RAD51B: variants seen among roughly 807,000 people sequenced by gnomAD.
RAD51B encodes RAD51 paralog B.
In RAD51B, 38 loss-of-function variants were observed where a neutral mutation model predicts 42.2. That is an observed-to-expected ratio of 0.90 (90% CI 0.70 to 1.18). The LOEUF (loss-of-function observed/expected upper bound fraction) is 1.18, where lower values mean the gene tolerates loss of function less well. Ranked by LOEUF, RAD51B falls within the 50% of genes most tolerant of loss-of-function variation. The pLI, the probability that RAD51B is intolerant of heterozygous loss-of-function variation, is 0.00. For missense variants in RAD51B, 373 were observed against 400.7 expected, an observed-to-expected ratio of 0.93 and a Z score of 0.59; for synonymous variants, 154 against 145.2, an observed-to-expected ratio of 1.06 and a Z score of -0.43.
At chr14:68,435,066 G>A (rs1019101219) in intron 9 of RAD51B, among the ~76,000 whole-genome samples, 1 of 152,160 alleles carries the variant, frequency 6.6e-6, no homozygotes, top group African/African-American at 2.4e-5. Context: ...CATATGTGCA[G>A]GTTTGTTACA....
intron 7 of RAD51B, chr14:68,149,992 T>G (rs918332650): frequency 6.6e-6 from 1 of 152,282 alleles, no homozygotes; most frequent in African/African-American, 2.4e-5. Context: ...TTATCCATGC[T>G]GGAGTGCAAT....
chr14:68,332,889 C>T (rs1197032775), intron 8 of RAD51B, among the ~76,000 whole-genome samples: 1 of 152,212 alleles, frequency 6.6e-6, no homozygotes, highest in Non-Finnish European at 1.5e-5. Context: ...GACTTTTTCT[C>T]CTTCATTCTG....
intron 7 of RAD51B, among the ~76,000 whole-genome samples, chr14:67,969,491 C>T (rs1246794570): frequency 1.3e-5 from 2 of 152,102 alleles, no homozygotes; most frequent in African/African-American, 2.4e-5. Flanking sequence ...TAAATCCTCC[C>T]TCCATTGCTT....
At chr14:68,409,080 T>C (rs1320500247) in intron 8 of RAD51B, among the ~76,000 whole-genome samples, 4 of 152,216 alleles carry the variant, frequency 2.6e-5, no homozygotes, top group African/African-American at 7.2e-5. Flanking sequence ...TGAAATGTTC[T>C]AAAGTTAATT....
chr14:68,507,281 C>T (rs1393604293), intron 10 of RAD51B, among the ~76,000 whole-genome samples: 1 of 152,136 alleles, frequency 6.6e-6, no homozygotes, highest in Non-Finnish European at 1.5e-5. Context: ...GCTCGGGTGT[C>T]CTCGTGTGTG....
At chr14:67,870,248 A>T (rs2042477576) in intron 5 of RAD51B, among the ~76,000 whole-genome samples, 1 of 152,116 alleles carries the variant, frequency 6.6e-6, no homozygotes, top group Admixed American at 6.5e-5. Flanking sequence ...AAGATCTACC[A>T]AGCAAATGGA....
At chr14:68,660,288 C>T (rs1892906140) in intron 11 of RAD51B, among the ~76,000 whole-genome samples, 1 of 152,186 alleles carries the variant, frequency 6.6e-6, no homozygotes, top group African/African-American at 2.4e-5. Context: ...ACACGTGAGA[C>T]GTGCTGCTGA....
chr14:68,019,216 G>T (rs890182987), intron 7 of RAD51B, among the ~76,000 whole-genome samples: 2 of 152,046 alleles, frequency 1.3e-5, no homozygotes, highest in Non-Finnish European at 2.9e-5. Context: ...CAAGGAAACT[G>T]AAAAGGTGAA....
At chr14:68,575,779 T>C (rs1889936645) in intron 10 of RAD51B, among the ~76,000 whole-genome samples, 1 of 152,222 alleles carries the variant, frequency 6.6e-6, no homozygotes, top group Non-Finnish European at 1.5e-5. Context: ...AGAGTCAGTG[T>C]CAGAAAGCCT....
At chr14:68,049,795 G>C (rs1323152712) in intron 7 of RAD51B, among the ~76,000 whole-genome samples, 1 of 152,084 alleles carries the variant, frequency 6.6e-6, no homozygotes, top group African/African-American at 2.4e-5. Flanking sequence ...CCATCTCCAG[G>C]TCTGTATTTC....
chr14:68,616,977 C>T (rs572111011), intron 10 of RAD51B, among the ~76,000 whole-genome samples: 2 of 152,048 alleles, frequency 1.3e-5, no homozygotes, highest in Non-Finnish European at 2.9e-5. Context: ...TCTTAAAATC[C>T]TGGAGTATAT....
chr14:67,889,325 T>TA (rs10639894), intron 7 of RAD51B, among the ~76,000 whole-genome samples: 4,516 of 139,866 alleles, frequency 0.032, 230 homozygotes, highest in African/African-American at 0.11. Flanking sequence ...GAGATTTAAT[T>TA]AAAAAAAAAA....
intron 8 of RAD51B, among the ~76,000 whole-genome samples, chr14:68,410,293 G>A (rs1282709826): frequency 6.6e-6 from 1 of 152,094 alleles, no homozygotes. Context: ...CACCCTGAAA[G>A]GTGTCTGCCC....
chr14:68,212,680 A>G (rs2079735590), intron 7 of RAD51B, among the ~76,000 whole-genome samples: 1 of 152,246 alleles, frequency 6.6e-6, no homozygotes, highest in Non-Finnish European at 1.5e-5. Flanking sequence ...TTTTGAAGAA[A>G]TGGAGTGAAG....
chr14:68,194,282 C>T (rs2079324072), intron 7 of RAD51B, among the ~76,000 whole-genome samples: 1 of 152,176 alleles, frequency 6.6e-6, no homozygotes, highest in African/African-American at 2.4e-5. Flanking sequence ...TCTAGTTTAA[C>T]CTCTAAATTA....
intron 10 of RAD51B, among the ~76,000 whole-genome samples, chr14:68,646,298 T>G (rs1357257837): frequency 6.6e-6 from 1 of 152,218 alleles, no homozygotes; most frequent in African/African-American, 2.4e-5. Context: ...AAAGTTTGCT[T>G]CTTTGATAGG....
intron 10 of RAD51B, among the ~76,000 whole-genome samples, chr14:68,491,513 G>A (rs1228432214): frequency 6.6e-6 from 1 of 152,140 alleles, no homozygotes; most frequent in African/African-American, 2.4e-5. Context: ...AGCCCCAGTT[G>A]GTCTTTTCTC....
chr14:67,828,409 GGATA>G (rs1435607197), intron 3 of RAD51B, among the ~76,000 whole-genome samples: 6 of 151,614 alleles, frequency 4.0e-5, no homozygotes, highest in Admixed American at 1.3e-4. Context: ...TTTGTCGGAT[GGATA>G]GATTGAAAAA....
intron 7 of RAD51B, among the ~76,000 whole-genome samples, chr14:68,125,759 G>GTT (rs922749906): frequency 6.6e-6 from 1 of 150,492 alleles, no homozygotes; most frequent in Non-Finnish European, 1.5e-5. Context: ...GTTTTGTTTT[G>GTT]TTTTTTCAAA....
Sources: gnomAD v4.1 joint callset for allele counts (sites outside exome capture counted in the v4.1 genomes callset) on GRCh38, gnomAD v4.1.1 for gene constraint, MANE v1.5 for transcripts, NCBI Gene and HGNC (gene_info 2026-07-23, HGNC 2026-07-21) for gene names.